DNAH8: variants seen among roughly 807,000 people sequenced by gnomAD.
DNAH8 encodes axonemal beta dynein heavy chain 8.
Under a neutral mutation model 562.1 loss-of-function variants are expected in DNAH8, and 382 were observed. That is an observed-to-expected ratio of 0.68 (90% CI 0.63 to 0.74). DNAH8 has a LOEUF of 0.74. Ranked by LOEUF, DNAH8 falls within the 30% of genes least tolerant of loss-of-function variation. The probability of loss-of-function intolerance (pLI) is 0.00; values close to 1 mark genes in which losing one functional copy is unlikely to be tolerated. For synonymous variants in DNAH8, 1,881 were observed against 1,919.4 expected (o/e 0.98, Z 0.52); for missense variants, 5,203 against 5,620.4 (o/e 0.93, Z 2.37).
At chr6:39,023,606 G>A (rs1767075357) in intron 91 of DNAH8, among the ~76,000 whole-genome samples, 1 of 152,118 alleles carries the variant, frequency 6.6e-6, no homozygotes, top group Non-Finnish European at 1.5e-5. Context: ...AAATTATACA[G>A]GCTTCAAAAA....
At chr6:39,012,041 G>A (rs535730003) in intron 89 of DNAH8, among the ~76,000 whole-genome samples, 174 bp from the exon 90 acceptor site, 17 of 152,136 alleles carry the variant, frequency 1.1e-4, no homozygotes, top group Non-Finnish European at 1.6e-4. Context: ...TTTTGGAAAC[G>A]CAGGAAATGG....
intron 18 of DNAH8, among the ~76,000 whole-genome samples, chr6:38,789,395 G>T (rs2127653610): frequency 6.6e-6 from 1 of 152,298 alleles, no homozygotes; most frequent in Non-Finnish European, 1.5e-5. Flanking sequence ...TATTCTGTTT[G>T]TGTGGAAAAG....
Position 39,030,182 on chromosome 6 carries a change from C to T in DNAH8, c.13914C>T (p.Thr4638=). The T allele has an allele frequency of 6.2e-7, 1 of 1,614,092 alleles. No individual in the cohort carries two copies. The highest frequency in any genetic ancestry group is 8.5e-7 in the Non-Finnish European group (1 of 1,179,996). Residue 4638 remains threonine (T), a synonymous_variant, in exon 93 of 93, where the codon ACC becomes ACT. Coordinates refer to ENST00000327475, the MANE Select transcript of DNAH8 (RefSeq NM_001206927.2). ...GGAATGGGAAGCTCATGGAATCCAC[C>T]CCCAAGGTACTCTTCACGCAGTTAC... is the stretch of plus-strand genomic sequence containing the variant. ...DRRNGKLMES[T]PKVLFTQLPV...
Position 38,780,078 on chromosome 6 carries a change from T to C in DNAH8, c.2139+13T>C. The C allele has an allele frequency of 2.5e-6, 4 of 1,609,844 alleles. No homozygotes were observed. Among genetic ancestry groups the C allele is most frequent in the Non-Finnish European group, 3.4e-6 (4 of 1,177,332 alleles). On this transcript the variant is annotated intron_variant, in intron 15 of 92. Transcript: ENST00000327475. The stretch of plus-strand genomic sequence containing the variant: ...TGCTACTAAGAAGGCAAGTGTCATG[T>C]TTATAAATAAAATGGTACATTAGCA...
chr6:38,860,860 G>C (rs757740239), intron 43 of DNAH8, among the ~76,000 whole-genome samples: 1 of 152,156 alleles, frequency 6.6e-6, no homozygotes, highest in Non-Finnish European at 1.5e-5. Flanking sequence ...TTGACTGTGA[G>C]TGATTTAATG....
At chr6:38,715,909 AATAAATAAATAAATAAATATATAT>A (rs1294374336) in intron 1 of DNAH8, among the ~76,000 whole-genome samples, 4 of 48,416 alleles carry the variant, frequency 8.3e-5, no homozygotes, top group African/African-American at 4.0e-4. Flanking sequence ...TATTAAAATA[AATAAATAAATAAATAAATATATAT>A]ATATATATAT....
At position 38,805,512 on chromosome 6, in the gene DNAH8, A is replaced by G. The variant is rs1377834116; in HGVS notation, c.3066A>G (p.Glu1022=). ...EQRKHVVFGS[E]TGEGENNDYE... is the part of the protein sequence containing the mutation. Reference sequence around the variant, plus strand: ...GGAAACACGTTGTTTTTGGAAGTGAAACAGGAGAGGGTGAAAACAATGACT... The same window carrying G: ...GGAAACACGTTGTTTTTGGAAGTGAGACAGGAGAGGGTGAAAACAATGACT... The change falls in exon 23 of 93, where the codon GAA becomes GAG. Residue 1022 remains glutamate (E), a synonymous_variant. Coordinates refer to ENST00000327475, the MANE Select transcript of DNAH8 (RefSeq NM_001206927.2). 1.2e-6 allele frequency: 2 copies of G among 1,610,652 alleles called. No homozygotes were observed. The highest frequency in any genetic ancestry group is 1.7e-5 in the Admixed American group (1 of 59,938).
intron 91 of DNAH8, among the ~76,000 whole-genome samples, chr6:39,021,575 C>A (rs1336216469): frequency 6.6e-6 from 1 of 152,146 alleles, no homozygotes; most frequent in African/African-American, 2.4e-5. Flanking sequence ...CGGGGTTGAC[C>A]AACCCTATCT....
chr6:38,900,416 T>C (rs1313757348), intron 62 of DNAH8, among the ~76,000 whole-genome samples: 1 of 152,220 alleles, frequency 6.6e-6, no homozygotes, highest in Non-Finnish European at 1.5e-5. Context: ...CAAATAGAGC[T>C]ACTGTAAATA....
chr6:38,919,190 A>G (rs1282038875), intron 70 of DNAH8, among the ~76,000 whole-genome samples: 1 of 152,234 alleles, frequency 6.6e-6, no homozygotes, highest in East Asian at 1.9e-4. Context: ...GTGTTATGCA[A>G]TAAATAAAAT....
intron 92 of DNAH8, 59 bp downstream of exon 92, chr6:39,026,726 T>TCA: frequency 6.3e-7 from 1 of 1,591,644 alleles, no homozygotes; most frequent in African/African-American, 1.3e-5. Flanking sequence ...AATTTCAAGT[T>TCA]CTGCTTAAAA....
intron 32 of DNAH8, among the ~76,000 whole-genome samples, chr6:38,836,130 A>G (rs1774264059): frequency 1.3e-5 from 2 of 152,224 alleles, no homozygotes; most frequent in Admixed American, 6.5e-5. Flanking sequence ...AGAACTACTT[A>G]TCGAAGGAGG....
At chr6:38,771,784 C>T (rs1200251101) in intron 12 of DNAH8, among the ~76,000 whole-genome samples, 1 of 152,148 alleles carries the variant, frequency 6.6e-6, no homozygotes, top group Non-Finnish European at 1.5e-5. Context: ...TTTTTCTACT[C>T]ATCAGTTGAT....
intron 32 of DNAH8, among the ~76,000 whole-genome samples, chr6:38,836,636 G>T (rs948178541): frequency 2.6e-5 from 4 of 151,862 alleles, no homozygotes; most frequent in African/African-American, 9.7e-5. Flanking sequence ...TGGGATATGT[G>T]ACTTGAGGTC....
chr6:38,914,375 T>C (rs1227677448), intron 67 of DNAH8, among the ~76,000 whole-genome samples: 1 of 149,992 alleles, frequency 6.7e-6, no homozygotes, highest in African/African-American at 2.4e-5. Flanking sequence ...TAGGTATATA[T>C]GTGTGCTGCT....
intron 18 of DNAH8, 104 bp downstream of exon 18, chr6:38,787,056 G>A: frequency 1.7e-6 from 1 of 592,164 alleles, no homozygotes; most frequent in Non-Finnish European, 2.5e-6. Flanking sequence ...ATGGCATTGA[G>A]GGAAAATTTG....
At chr6:38,750,760 C>A (rs1356734925) in intron 9 of DNAH8, among the ~76,000 whole-genome samples, 171 bp downstream of exon 9, 1 of 151,630 alleles carries the variant, frequency 6.6e-6, no homozygotes, top group Non-Finnish European at 1.5e-5. Context: ...GCAAGAAGAC[C>A]CCATCTATAT....
chr6:38,993,846 C>T (rs1340535962), intron 88 of DNAH8, among the ~76,000 whole-genome samples: 3 of 152,132 alleles, frequency 2.0e-5, no homozygotes, highest in Non-Finnish European at 4.4e-5. Flanking sequence ...ATTTAGGTTG[C>T]TTCCAATATT....
rs574862584 is a variant in DNAH8, at chr6:38,757,879, A to G, written c.1515+1800A>G. ...GGGCTCTGTTCTGTTCCATTGGTCTATATCTCTGTTTTGGTGCCAGTACAT... is the reference window on the plus strand; with the variant it reads ...GGGCTCTGTTCTGTTCCATTGGTCTGTATCTCTGTTTTGGTGCCAGTACAT... On this transcript the variant is annotated intron_variant, in intron 10 of 92. Transcript: ENST00000327475. 3.9e-5 allele frequency among the ~76,000 whole-genome samples: 6 copies of G among 152,216 alleles called. No homozygotes were observed. In the South Asian group the frequency reaches 1.2e-3, roughly 32 times the overall value.
Sources: allele counts gnomAD v4.1 joint callset (sites outside exome capture counted in the v4.1 genomes callset), GRCh38; gene constraint gnomAD v4.1.1; transcripts MANE v1.5; gene names NCBI Gene and HGNC (gene_info 2026-07-23, HGNC 2026-07-21).